CMIP: variants seen among roughly 807,000 people sequenced by gnomAD.
CMIP encodes C-Maf-inducing protein.
CMIP carries 13 observed loss-of-function variants against 97.3 expected under a neutral mutation model. That is an observed-to-expected ratio of 0.13 (90% CI 0.09 to 0.21). The LOEUF (loss-of-function observed/expected upper bound fraction) is 0.21, where lower values mean the gene tolerates loss of function less well. Among genes scored for constraint, CMIP ranks in the 10% least tolerant of loss-of-function variants. The probability of loss-of-function intolerance (pLI) is 1.00; values close to 1 mark genes in which losing one functional copy is unlikely to be tolerated. For missense variants in CMIP, 847 were observed against 1,024.9 expected (o/e 0.83, Z 2.37); for synonymous variants, 538 against 436.3 (o/e 1.23, Z -2.91).
At chr16:81,500,259 C>A (rs1044895146) in intron 1 of CMIP, among the ~76,000 whole-genome samples, 1 of 143,464 alleles carries the variant, frequency 7.0e-6, no homozygotes, top group African/African-American at 2.6e-5. Flanking sequence ...TCCTTCCGTC[C>A]TTCCTTCCTT....
chr16:81,476,393 C>G, intron 1 of CMIP: 4 of 1,139,826 alleles, frequency 3.5e-6, no homozygotes, highest in Non-Finnish European at 5.3e-6. Context: ...ACTCCTTTCT[C>G]TCCAGTGCTC....
intron 1 of CMIP, among the ~76,000 whole-genome samples, chr16:81,458,664 C>G (rs965652542): frequency 1.3e-5 from 2 of 152,136 alleles, no homozygotes; most frequent in African/African-American, 4.8e-5. Flanking sequence ...CCCTGCCTGC[C>G]CAGGTCAGTC....
At chr16:81,494,180 C>T (rs1488058109) in intron 1 of CMIP, among the ~76,000 whole-genome samples, 4 of 152,112 alleles carry the variant, frequency 2.6e-5, no homozygotes, top group African/African-American at 7.2e-5. Flanking sequence ...GGGCAGTTAC[C>T]GGGGCCTCAG....
intron 1 of CMIP, among the ~76,000 whole-genome samples, chr16:81,496,012 C>T (rs2089484365): frequency 1.3e-5 from 2 of 152,084 alleles, no homozygotes. Flanking sequence ...GGAAGCAGGG[C>T]GTTGTTCCAG....
chr16:81,493,899 C>T (rs545347137), intron 1 of CMIP, among the ~76,000 whole-genome samples: 3 of 152,292 alleles, frequency 2.0e-5, no homozygotes, highest in East Asian at 3.9e-4. Flanking sequence ...TGTCACCCGC[C>T]GTTTCATGTT....
intron 1 of CMIP, among the ~76,000 whole-genome samples, chr16:81,596,830 A>G (rs1237874282): frequency 6.6e-6 from 1 of 152,080 alleles, no homozygotes; most frequent in Non-Finnish European, 1.5e-5. Flanking sequence ...AATAACCAGT[A>G]CCCTGACTTC....
intron 1 of CMIP, among the ~76,000 whole-genome samples, chr16:81,480,271 G>A (rs886295172): frequency 1.3e-5 from 2 of 152,180 alleles, no homozygotes; most frequent in African/African-American, 4.8e-5. Flanking sequence ...CAGGCGTGGT[G>A]GCTCACGCCT....
intron 1 of CMIP, among the ~76,000 whole-genome samples, chr16:81,573,122 A>T (rs542223798): frequency 3.3e-5 from 5 of 152,342 alleles, no homozygotes; most frequent in African/African-American, 1.2e-4. Context: ...GGCAGGTGGA[A>T]CACTTGAGAT....
intron 1 of CMIP, chr16:81,603,371 C>A (rs781611959): frequency 2.2e-6 from 1 of 454,108 alleles, no homozygotes; most frequent in Non-Finnish European, 4.4e-6. Flanking sequence ...CGTGAGCCAC[C>A]GCGCCCGGCC....
At chr16:81,703,494 A>AACACAC (rs148995084) in intron 17 of CMIP, among the ~76,000 whole-genome samples, 1 of 151,382 alleles carries the variant, frequency 6.6e-6, no homozygotes, top group Non-Finnish European at 1.5e-5. Context: ...GAGACACACC[A>AACACAC]ACACACACAC....
At chr16:81,668,994 C>T (rs1410384748) in intron 7 of CMIP, among the ~76,000 whole-genome samples, 1 of 144,310 alleles carries the variant, frequency 6.9e-6, no homozygotes, top group Non-Finnish European at 1.5e-5. Flanking sequence ...ACCTCACACT[C>T]TCCTCCTTCC....
intron 1 of CMIP, among the ~76,000 whole-genome samples, chr16:81,471,408 A>C (rs956811386): frequency 1.4e-5 from 2 of 139,416 alleles, no homozygotes; most frequent in African/African-American, 5.0e-5. Flanking sequence ...GTACAAATGC[A>C]TACACACATA....
chr16:81,494,643 C>T (rs2089458563), intron 1 of CMIP, among the ~76,000 whole-genome samples: 1 of 152,122 alleles, frequency 6.6e-6, no homozygotes, highest in East Asian at 1.9e-4. Context: ...CCCCCGATGC[C>T]TCCGCTGATG....
intron 1 of CMIP, among the ~76,000 whole-genome samples, chr16:81,581,162 C>T (rs943187147): frequency 6.6e-6 from 1 of 152,194 alleles, no homozygotes; most frequent in African/African-American, 2.4e-5. Flanking sequence ...ATTTTTCTTT[C>T]TTATCCATTC....
intron 3 of CMIP, among the ~76,000 whole-genome samples, chr16:81,642,984 A>G (rs1412191229): frequency 6.6e-6 from 1 of 150,898 alleles, no homozygotes; most frequent in Non-Finnish European, 1.5e-5. Flanking sequence ...CCACAGCCGG[A>G]TGAACCTTGA....
intron 1 of CMIP, chr16:81,495,287 C>T (rs1308136277): frequency 3.5e-6 from 5 of 1,419,134 alleles, no homozygotes; most frequent in Non-Finnish European, 4.6e-6. Flanking sequence ...AGAGGATGAA[C>T]CCTCTGGGGC....
intron 10 of CMIP, among the ~76,000 whole-genome samples, chr16:81,683,763 T>C (rs1444429008): frequency 2.3e-5 from 3 of 131,176 alleles, no homozygotes; most frequent in African/African-American, 6.1e-5. Context: ...TTTCTTTTTT[T>C]TTTTTTTTTT....
At chr16:81,578,212 C>T (rs1012559699) in intron 1 of CMIP, among the ~76,000 whole-genome samples, 12 of 151,282 alleles carry the variant, frequency 7.9e-5, no homozygotes, top group African/African-American at 2.9e-4. Context: ...ACCATCATCA[C>T]CACCATCATA....
chr16:81,693,432 C>G lies in CMIP; in HGVS notation c.1482-7C>G. 1.9e-6 allele frequency: 3 copies of G among 1,611,286 alleles called. No individual in the cohort carries two copies. Among genetic ancestry groups the G allele is most frequent in the Non-Finnish European group, 2.5e-6 (3 of 1,178,758 alleles). The stretch of plus-strand genomic sequence containing the variant: ...GGCAGTAACTCCGGCCGCCTCGTCT[C>G]TTCCAGGGAACTGAAGTACGTGATT... On this transcript the variant is annotated splice_polypyrimidine_tract_variant and splice_region_variant and intron_variant, in intron 12 of 20. Transcript: ENST00000537098.
Sources: gnomAD v4.1 joint callset for allele counts (sites outside exome capture counted in the v4.1 genomes callset) on GRCh38, gnomAD v4.1.1 for gene constraint, MANE v1.5 for transcripts, NCBI Gene and HGNC (gene_info 2026-07-23, HGNC 2026-07-21) for gene names.